The following EPB41 variants were observed in gnomAD, a reference collection of about 807,000 sequenced individuals.
The protein encoded by EPB41 is erythrocyte membrane protein band 4.1.
A neutral mutation model predicts 108.0 loss-of-function variants in EPB41; 65 were observed. The ratio of observed to expected loss-of-function variants is 0.60; its 90% confidence interval spans 0.49 to 0.74. The LOEUF (loss-of-function observed/expected upper bound fraction) is 0.74, where lower values mean the gene tolerates loss of function less well. Ranked by LOEUF, EPB41 falls within the 30% of genes least tolerant of loss-of-function variation. EPB41 has a pLI of 0.00. For missense variants in EPB41, 875 were observed against 1,037.0 expected, an observed-to-expected ratio of 0.84 and a Z score of 2.15; for synonymous variants, 336 against 358.9, an observed-to-expected ratio of 0.94 and a Z score of 0.72.
intron 12 of EPB41, among the ~76,000 whole-genome samples, chr1:29,055,310 G>A (rs1458537606): frequency 6.6e-6 from 1 of 152,090 alleles, no homozygotes; most frequent in African/African-American, 2.4e-5. Context: ...AAAAGTGTTG[G>A]ATTACTGGAA....
intron 4 of EPB41, among the ~76,000 whole-genome samples, chr1:29,010,879 G>T (rs890585609): frequency 4.6e-5 from 7 of 152,146 alleles, no homozygotes; most frequent in African/African-American, 1.4e-4. Context: ...TTGGGAGGCC[G>T]AGCCGGGCAG....
At chr1:29,030,343 A>T in intron 7 of EPB41, 57 bp from the exon 8 acceptor site, 1 of 1,268,804 alleles carries the variant, frequency 7.9e-7, no homozygotes, top group Non-Finnish European at 1.2e-6. Context: ...TATAAATGTT[A>T]CTGTAAATGA....
At chr1:28,914,538 C>G (rs1048628665), upstream of EPB41, 1 of 152,144 alleles carries the variant, frequency 6.6e-6, no homozygotes, top group Admixed American at 6.6e-5. Context: ...GGCCGGCGGG[C>G]GGGCTGCGGG....
In EPB41 at chr1:29,021,882, G is replaced by A. The variant is rs543202215; in HGVS notation, c.1124+3440G>A. 7.0e-4 allele frequency among the ~76,000 whole-genome samples: 106 copies of A among 152,132 alleles called. 1 individual carries two copies. Among genetic ancestry groups the A allele is most frequent in the Non-Finnish European group, 1.2e-3 (84 of 67,982 alleles). ...CAGGCATGAGCCATCGCGCCCGGTGGCCATCTTTTCTATAAAACACCATGT... is the reference window on the plus strand; with the variant it reads ...CAGGCATGAGCCATCGCGCCCGGTGACCATCTTTTCTATAAAACACCATGT... On this transcript the variant is annotated intron_variant, in intron 7 of 20. Transcript: ENST00000343067.
At chr1:29,093,431 A>G (rs1000698380) in intron 16 of EPB41, among the ~76,000 whole-genome samples, 1 of 152,214 alleles carries the variant, frequency 6.6e-6, no homozygotes, top group Non-Finnish European at 1.5e-5. Context: ...AGTTTCTTAT[A>G]GATGCTGGAT....
chr1:28,894,137 G>A (rs1035062105), intron 1 of EPB41, among the ~76,000 whole-genome samples: 4 of 152,162 alleles, frequency 2.6e-5, no homozygotes, highest in Non-Finnish European at 5.9e-5. Context: ...TTTCACGTCT[G>A]CAAAATAAGA....
Position 29,065,129 on chromosome 1 carries a change from A to G in EPB41, c.2155A>G (p.Ile719Val). Residue 719 changes from isoleucine (I) to valine (V), a missense_variant, in exon 16 of 21, where the codon ATC (isoleucine) becomes GTC (valine). Coordinates refer to ENST00000343067, the MANE Select transcript of EPB41 (RefSeq NM_001376013.1). ...TCACTCACCCTTCCGAACTCTTAAC[A>G]TCAATGGGCAAATCCCCACAGGAGA... ...STHSPFRTLN[I>V]NGQIPTGEGP... 1 of 1,609,426 alleles carries G rather than the reference A, an allele frequency of 6.2e-7. No homozygotes were observed. The highest frequency in any genetic ancestry group is 8.5e-7 in the Non-Finnish European group (1 of 1,176,650).
intron 5 of EPB41, 112 bp from the exon 6 acceptor site, chr1:29,015,578 GAA>G (rs11433402): frequency 2.9e-4 from 178 of 618,726 alleles, no homozygotes; most frequent in Middle Eastern, 4.8e-4. Context: ...CCGTCTCAAA[GAA>G]AAAAAAAAAA....
chr1:29,003,220 C>A (rs1395008123), intron 4 of EPB41, among the ~76,000 whole-genome samples: 2 of 152,192 alleles, frequency 1.3e-5, no homozygotes, highest in Non-Finnish European at 2.9e-5. Flanking sequence ...CATAGTAAAT[C>A]ATGGTCATCT....
At chr1:28,971,180 C>CTTTTTTTTTTTTTTT (rs1000130058) in intron 1 of EPB41, among the ~76,000 whole-genome samples, 5 of 66,324 alleles carry the variant, frequency 7.5e-5, no homozygotes, top group Non-Finnish European at 1.3e-4. Context: ...TTCTTTCTTT[C>CTTTTTTTTTTTTTTT]TTTTTTTTTT....
chr1:29,113,753 G>A (rs1245964585), intron 19 of EPB41, among the ~76,000 whole-genome samples: 1 of 152,186 alleles, frequency 6.6e-6, no homozygotes, highest in African/African-American at 2.4e-5. Context: ...AGGGTCATAA[G>A]GGCCAAACAC....
In EPB41 at chr1:29,053,191, T is replaced by C. The variant is rs201861523; in HGVS notation, c.1724T>C (p.Leu575Pro). The change falls in exon 12 of 21, where the codon CTA becomes CCA. Residue 575 changes from leucine to proline, a missense_variant. Coordinates refer to ENST00000343067, the MANE Select transcript of EPB41 (RefSeq NM_001376013.1). ...GGTCAGGTTGCAGAAGGTGGCGTCC[T>C]AGATGCCTCTGCTAAAAAAACAGTG... ...TQGQVAEGGV[L>P]DASAKKTVVP... The C allele has an allele frequency of 2.3e-4, 375 of 1,614,150 alleles. 9 individuals are homozygous for C. The South Asian group carries it at 4.0e-3, about 17-fold the overall frequency.
intron 11 of EPB41, among the ~76,000 whole-genome samples, chr1:29,047,050 A>C (rs1434537822): frequency 2.0e-5 from 3 of 151,994 alleles, no homozygotes; most frequent in Admixed American, 2.0e-4. Context: ...TGTTCTCTGG[A>C]AGAGTTTGTT....
intron 7 of EPB41, among the ~76,000 whole-genome samples, chr1:29,020,257 C>T (rs769291305): frequency 2.0e-5 from 3 of 151,700 alleles, no homozygotes; most frequent in South Asian, 4.2e-4. Context: ...TTAGTAGAGA[C>T]GGGGTTTCAC....
chr1:28,972,643 A>G (rs1182918673), intron 1 of EPB41, among the ~76,000 whole-genome samples: 2 of 151,704 alleles, frequency 1.3e-5, no homozygotes, highest in South Asian at 2.1e-4. Flanking sequence ...TCTGTTGCCC[A>G]GGCTGGAGTG....
Position 28,994,632 on chromosome 1 carries a change from A to ATTTT in EPB41, c.681+1091_681+1094dup, listed in dbSNP as rs1308103309. ...AATTCACATATATGTGGAACAAACT[A>ATTTT]TTTTATTTATTTATTTATTTATTTA... On this transcript the variant is annotated intron_variant, in intron 3 of 20. Transcript: ENST00000343067. 1.9e-3 allele frequency among the ~76,000 whole-genome samples: 219 copies of ATTTT among 117,136 alleles called. 1 individual carries two copies. Among genetic ancestry groups the ATTTT allele is most frequent in the African/African-American group, 6.2e-3 (199 of 32,252 alleles). The allele number at this position is 117,136 out of a possible 152,430, so 76.8% of individuals were successfully genotyped here. A position where few individuals can be genotyped will look rare whatever the true frequency, so the allele number is the denominator to read the frequency against.
chr1:29,089,900 AGAAG>A (rs1376869469), intron 16 of EPB41, among the ~76,000 whole-genome samples: 1 of 152,016 alleles, frequency 6.6e-6, no homozygotes, highest in African/African-American at 2.4e-5. Flanking sequence ...GAGATGAGAA[AGAAG>A]GAAGGAAGAA....
intron 1 of EPB41, among the ~76,000 whole-genome samples, chr1:28,889,184 C>G (rs1296721243): frequency 6.6e-6 from 1 of 152,200 alleles, no homozygotes; most frequent in Non-Finnish European, 1.5e-5. Flanking sequence ...CAGGCATAAG[C>G]AGCATCAAAT....
intron 11 of EPB41, among the ~76,000 whole-genome samples, chr1:29,046,104 TA>T (rs948021255): frequency 1.3e-5 from 2 of 151,954 alleles, no homozygotes; most frequent in African/African-American, 2.4e-5. Context: ...GTAATCTTAC[TA>T]AAAAAATTTT....
Sources: gnomAD v4.1 joint callset for allele counts (sites outside exome capture counted in the v4.1 genomes callset) on GRCh38, gnomAD v4.1.1 for gene constraint, MANE v1.5 for transcripts, NCBI Gene and HGNC (gene_info 2026-07-23, HGNC 2026-07-21) for gene names.